Variants in MACROD2 observed in about 807,000 individuals in gnomAD.
MACROD2 encodes the protein mono-ADP ribosylhydrolase 2.
Under a neutral mutation model 70.4 loss-of-function variants are expected in MACROD2, and 36 were observed. The ratio of observed to expected loss-of-function variants is 0.51; its 90% CI spans 0.39 to 0.68. MACROD2 has a LOEUF of 0.68. MACROD2 is among the 30% of genes least tolerant of loss of function. The probability of loss-of-function intolerance (pLI) is 0.00; values close to 1 mark genes in which losing one functional copy is unlikely to be tolerated. For synonymous variants in MACROD2, 172 were observed against 178.8 expected (o/e 0.96, Z 0.30); for missense variants, 496 against 538.4 (o/e 0.92, Z 0.78).
chr20:14,721,818 T>C (rs756090451), intron 5 of MACROD2, among the ~76,000 whole-genome samples: 9 of 152,216 alleles, frequency 5.9e-5, no homozygotes, highest in Non-Finnish European at 1.2e-4. Context: ...TCAACCAAGA[T>C]AGGCTTTTCC....
At chr20:15,102,002 A>G (rs1210062616) in intron 5 of MACROD2, among the ~76,000 whole-genome samples, 1 of 152,070 alleles carries the variant, frequency 6.6e-6, no homozygotes, top group Non-Finnish European at 1.5e-5. Flanking sequence ...ATTCATAAAC[A>G]TGCACAAAAT....
chr20:14,182,865 T>A (rs1029163423), intron 3 of MACROD2, among the ~76,000 whole-genome samples: 8 of 151,856 alleles, frequency 5.3e-5, no homozygotes, highest in Non-Finnish European at 8.8e-5. Context: ...CTTGACTGGC[T>A]CCTTCTCATC....
intron 5 of MACROD2, among the ~76,000 whole-genome samples, chr20:14,939,183 G>T (rs1044457982): frequency 5.3e-5 from 8 of 151,828 alleles, no homozygotes. Context: ...CTTTGGCCTG[G>T]AGCATCTCCC....
intron 2 of MACROD2, among the ~76,000 whole-genome samples, chr20:14,004,524 C>T (rs1348722865): frequency 1.3e-5 from 2 of 152,140 alleles, no homozygotes; most frequent in Non-Finnish European, 2.9e-5. Context: ...AGTGGAATGG[C>T]TCATTTTACA....
At chr20:15,196,018 G>A (rs2076603977) in intron 5 of MACROD2, among the ~76,000 whole-genome samples, 4 of 152,142 alleles carry the variant, frequency 2.6e-5, no homozygotes, top group Admixed American at 2.6e-4. Context: ...CTTATAAGTG[G>A]GAGCTGAATA....
At chr20:14,224,779 T>G (rs750629349) in intron 3 of MACROD2, among the ~76,000 whole-genome samples, 5 of 152,226 alleles carry the variant, frequency 3.3e-5, no homozygotes, top group African/African-American at 4.8e-5. Context: ...CATATGGTAT[T>G]TATGACCTGC....
At chr20:14,483,032 T>C (rs919599689) in intron 3 of MACROD2, among the ~76,000 whole-genome samples, 4 of 152,218 alleles carry the variant, frequency 2.6e-5, no homozygotes, top group Non-Finnish European at 5.9e-5. Context: ...CTGAATTAGC[T>C]AGTAATACGC....
rs776024502 is a variant in MACROD2, at chr20:14,326,426, C to T, written c.272-167053C>T. Reference sequence around the variant, plus strand: ...GCAGTGGTTATCTGAATGGTGCTTACAATCCCACTGTCCTTACAATCAAAC... The same window carrying T: ...GCAGTGGTTATCTGAATGGTGCTTATAATCCCACTGTCCTTACAATCAAAC... On this transcript the variant is annotated intron_variant, in intron 3 of 17. Coordinates refer to ENST00000684519, the MANE Select transcript of MACROD2 (RefSeq NM_001351661.2). This position sits in a 1 kb window ranked among gnomAD's most constrained non-coding sequence, Gnocchi z 5.5. 4 of 1,613,914 alleles carry T rather than the reference C, an allele frequency of 2.5e-6. No individual in the cohort carries two copies. Among genetic ancestry groups the T allele is most frequent in the Admixed American group, 1.7e-5 (1 of 60,000 alleles).
At chr20:15,628,907 G>A (rs1336642243) in intron 8 of MACROD2, among the ~76,000 whole-genome samples, 1 of 152,174 alleles carries the variant, frequency 6.6e-6, no homozygotes, top group East Asian at 1.9e-4. Context: ...TCAATATTAT[G>A]GTTGTGAAAG....
chr20:14,843,215 G>C (rs980858465), intron 5 of MACROD2, among the ~76,000 whole-genome samples: 1 of 96,014 alleles, frequency 1.0e-5, no homozygotes, highest in Non-Finnish European at 2.1e-5. Context: ...TAGGCTCTTT[G>C]TGTTATGACT....
intron 5 of MACROD2, among the ~76,000 whole-genome samples, chr20:14,719,692 C>G (rs1017124560): frequency 2.6e-5 from 4 of 152,016 alleles, no homozygotes; most frequent in Non-Finnish European, 5.9e-5. Context: ...TTCCCAAATT[C>G]CCGGAAATGT....
intron 4 of MACROD2, among the ~76,000 whole-genome samples, chr20:14,652,732 G>A (rs1247184410): frequency 2.0e-5 from 3 of 152,080 alleles, no homozygotes; most frequent in Admixed American, 6.6e-5. Flanking sequence ...ATATAATTAA[G>A]GAAAATAGAT....
chr20:14,449,415 A>C (rs909023618), intron 3 of MACROD2, among the ~76,000 whole-genome samples: 33 of 152,124 alleles, frequency 2.2e-4, no homozygotes, highest in African/African-American at 6.8e-4. Context: ...TAAATTCAAT[A>C]GATTATAATT....
At chr20:15,156,209 T>G (rs2076305886) in intron 5 of MACROD2, among the ~76,000 whole-genome samples, 1 of 152,188 alleles carries the variant, frequency 6.6e-6, no homozygotes, top group South Asian at 2.1e-4. Flanking sequence ...ACATCCTGGG[T>G]TGGGAGACTG....
chr20:14,508,664 A>C (rs1274059019), intron 4 of MACROD2, among the ~76,000 whole-genome samples: 1 of 152,216 alleles, frequency 6.6e-6, no homozygotes, highest in African/African-American at 2.4e-5. Flanking sequence ...AACGTGGACA[A>C]AAATCCTTGC....
chr20:14,709,945 T>G (rs920353366), intron 5 of MACROD2, among the ~76,000 whole-genome samples: 7 of 152,198 alleles, frequency 4.6e-5, no homozygotes, highest in Non-Finnish European at 1.0e-4. Context: ...AATGAGAATA[T>G]TAATTTCATG....
chr20:15,608,667 A>T (rs1464122251), intron 8 of MACROD2, among the ~76,000 whole-genome samples: 1 of 152,168 alleles, frequency 6.6e-6, no homozygotes, highest in Admixed American at 6.5e-5. Flanking sequence ...CTACTTAATT[A>T]AAAAACCTTA....
At chr20:15,507,869 AG>A (rs943745855) in intron 8 of MACROD2, among the ~76,000 whole-genome samples, 1 of 152,226 alleles carries the variant, frequency 6.6e-6, no homozygotes, top group African/African-American at 2.4e-5. Context: ...TGTGGTCAAT[AG>A]GAAGCACAGT....
intron 4 of MACROD2, among the ~76,000 whole-genome samples, chr20:14,540,098 G>A (rs2085412869): frequency 6.6e-6 from 1 of 151,948 alleles, no homozygotes. Context: ...AGACATTATG[G>A]CAATGTCCTT....
Sources: gnomAD v4.1 joint callset for allele counts (sites outside exome capture counted in the v4.1 genomes callset) on GRCh38, gnomAD v4.1.1 for gene constraint, Gnocchi (gnomAD v3.1) non-coding constraint, MANE v1.5 for transcripts, NCBI Gene and HGNC (gene_info 2026-07-23, HGNC 2026-07-21) for gene names.